The following KCNAB1 variants were observed in gnomAD, a reference collection of about 807,000 sequenced individuals.
The protein encoded by KCNAB1 is voltage-gated potassium channel subunit beta-1.
KCNAB1 carries 35 observed loss-of-function variants against 64.6 expected under a neutral mutation model. The observed-to-expected ratio is 0.54, with a 90% CI of 0.41 to 0.72. The LOEUF (loss-of-function observed/expected upper bound fraction) is 0.72, where lower values mean the gene tolerates loss of function less well. Ranked by LOEUF, KCNAB1 falls within the 30% of genes least tolerant of loss-of-function variation. The probability of loss-of-function intolerance (pLI) is 0.00; values close to 1 mark genes in which losing one functional copy is unlikely to be tolerated. For synonymous variants in KCNAB1, 177 were observed against 183.8 expected (o/e 0.96, Z 0.30); for missense variants, 401 against 512.9 (o/e 0.78, Z 2.11).
At chr3:156,182,905 G>A (rs565128251) in intron 1 of KCNAB1, among the ~76,000 whole-genome samples, 1 of 151,620 alleles carries the variant, frequency 6.6e-6, no homozygotes, top group South Asian at 2.1e-4. Flanking sequence ...TCACCATGTT[G>A]GCCAGGCTGG....
At chr3:156,291,505 C>A in intron 1 of KCNAB1, 2 of 1,069,120 alleles carry the variant, frequency 1.9e-6, no homozygotes, top group Non-Finnish European at 2.3e-6. Context: ...ATTCAGACAC[C>A]GCGGACCGGC....
rs78865275 is a variant in KCNAB1, at chr3:156,244,023, T to A, written c.275+123137T>A. On this transcript the variant is annotated intron_variant, in intron 1 of 13. Coordinates refer to ENST00000490337, the MANE Select transcript of KCNAB1 (RefSeq NM_172160.3). ...CTTGGGTGGCCAAACATCCAGTCTTTCTGAACATTTCCCACATACTCCATC... is the reference window on the plus strand; with the variant it reads ...CTTGGGTGGCCAAACATCCAGTCTTACTGAACATTTCCCACATACTCCATC... Among the ~76,000 whole-genome samples the A allele has an allele frequency of 5.3e-5, 8 of 152,376 alleles. No homozygotes were observed. The East Asian group carries it at 1.5e-3, about 29-fold the overall frequency.
intron 5 of KCNAB1, among the ~76,000 whole-genome samples, chr3:156,461,955 G>A (rs1712946348): frequency 1.3e-5 from 2 of 152,158 alleles, no homozygotes; most frequent in South Asian, 4.1e-4. Context: ...CTTGACTTCT[G>A]GTCCTGGCGC....
At chr3:156,143,240 C>T (rs773733120) in intron 1 of KCNAB1, 72 of 1,613,778 alleles carry the variant, frequency 4.5e-5, no homozygotes, top group South Asian at 4.4e-5. Flanking sequence ...CTGCCAAAAT[C>T]CAGTGAATCG....
At chr3:156,184,084 A>G (rs760934673) in intron 1 of KCNAB1, among the ~76,000 whole-genome samples, 2 of 152,218 alleles carry the variant, frequency 1.3e-5, no homozygotes, top group African/African-American at 2.4e-5. Context: ...CTATTATTAT[A>G]CTATTACTAT....
intron 1 of KCNAB1, among the ~76,000 whole-genome samples, chr3:156,211,533 C>G (rs1325580515): frequency 6.6e-6 from 1 of 152,172 alleles, no homozygotes; most frequent in African/African-American, 2.4e-5. Context: ...TTAATAACCC[C>G]AGGTCCTATG....
intron 1 of KCNAB1, chr3:156,143,213 C>T (rs1410467672): frequency 6.2e-6 from 10 of 1,612,978 alleles, no homozygotes; most frequent in Middle Eastern, 1.7e-4. Context: ...GCAGACATCC[C>T]GAGCCCCAAG....
At chr3:156,256,746 C>T (rs1053293279) in intron 1 of KCNAB1, among the ~76,000 whole-genome samples, 2 of 152,238 alleles carry the variant, frequency 1.3e-5, no homozygotes, top group Non-Finnish European at 2.9e-5. Context: ...ATACTTCCTA[C>T]CATTTTTCTA....
intron 7 of KCNAB1, among the ~76,000 whole-genome samples, chr3:156,469,851 A>G (rs1713746844): frequency 6.6e-6 from 1 of 152,248 alleles, no homozygotes; most frequent in Non-Finnish European, 1.5e-5. Flanking sequence ...CAGAAAAGCA[A>G]GGACATGAGA....
At chr3:156,474,512 A>G (rs1165656366) in intron 7 of KCNAB1, 1 of 377,440 alleles carries the variant, frequency 2.6e-6, no homozygotes, top group Admixed American at 4.0e-5. Flanking sequence ...GAGAGTGATA[A>G]TATTCCTGAA....
intron 1 of KCNAB1, among the ~76,000 whole-genome samples, chr3:156,228,436 C>T (rs1259866051): frequency 6.6e-6 from 1 of 152,176 alleles, no homozygotes; most frequent in African/African-American, 2.4e-5. Flanking sequence ...TCAAGCATTT[C>T]TGGAAGTCCC....
intron 1 of KCNAB1, chr3:156,176,567 T>TC: frequency 1.2e-6 from 1 of 823,012 alleles, no homozygotes; most frequent in East Asian, 2.4e-5. Context: ...GTAATGCAGT[T>TC]CCATCACTGC....
intron 1 of KCNAB1, among the ~76,000 whole-genome samples, chr3:156,302,388 C>T (rs1684169758): frequency 6.6e-6 from 1 of 152,098 alleles, no homozygotes; most frequent in Non-Finnish European, 1.5e-5. Flanking sequence ...GCCTGCCACC[C>T]ATATCATGCA....
Position 156,135,240 on chromosome 3 carries a change from T to C in KCNAB1, c.275+14354T>C, listed in dbSNP as rs550013813. On this transcript the variant is annotated intron_variant, in intron 1 of 13. Coordinates refer to ENST00000490337, the MANE Select transcript of KCNAB1 (RefSeq NM_172160.3). ...TCAAACTCCTGACCTCAAGCGATCC[T>C]CCCAGCTCGGCCTCCCAAAGTGCTG... Among the ~76,000 whole-genome samples, 4 of 152,164 alleles carry C rather than the reference T, an allele frequency of 2.6e-5. 1 individual carries two copies. Among genetic ancestry groups the C allele is most frequent in the African/African-American group, 9.6e-5 (4 of 41,524 alleles).
intron 1 of KCNAB1, among the ~76,000 whole-genome samples, chr3:156,394,509 C>T (rs1240788315): frequency 6.6e-6 from 1 of 152,062 alleles, no homozygotes; most frequent in African/African-American, 2.4e-5. Context: ...CTGACTTGTG[C>T]AAGGGAGGCA....
intron 11 of KCNAB1, among the ~76,000 whole-genome samples, chr3:156,518,962 A>T (rs1294700554): frequency 1.3e-5 from 2 of 152,030 alleles, no homozygotes; most frequent in African/African-American, 4.8e-5. Context: ...CCACCCATCC[A>T]TCTGGTTGTC....
intron 1 of KCNAB1, among the ~76,000 whole-genome samples, chr3:156,136,874 G>A (rs1714375575): frequency 6.6e-6 from 1 of 152,218 alleles, no homozygotes; most frequent in South Asian, 2.1e-4. Flanking sequence ...AGATGCCAGA[G>A]CTCCACTCAA....
At chr3:156,450,606 T>C (rs1576882887) in intron 2 of KCNAB1, among the ~76,000 whole-genome samples, 1 of 152,358 alleles carries the variant, frequency 6.6e-6, no homozygotes, top group South Asian at 2.1e-4. Context: ...AAAGAGACTC[T>C]TTTATAAACT....
intron 1 of KCNAB1, among the ~76,000 whole-genome samples, chr3:156,147,154 TG>T (rs2075473719): frequency 6.6e-6 from 1 of 152,208 alleles, no homozygotes. Context: ...GACCTGGATT[TG>T]GCTCTGTGCT....
Sources: allele counts gnomAD v4.1 joint callset (sites outside exome capture counted in the v4.1 genomes callset), GRCh38; gene constraint gnomAD v4.1.1; transcripts MANE v1.5; gene names NCBI Gene and HGNC (gene_info 2026-07-23, HGNC 2026-07-21).